Variants in TK2 observed in about 807,000 individuals in gnomAD.
TK2 encodes the protein thymidine kinase 2.
TK2 carries 35 observed loss-of-function variants against 41.9 expected under a neutral mutation model. That is an observed-to-expected ratio of 0.84 (90% confidence interval 0.64 to 1.11). The LOEUF is 1.11. TK2 is among the 50% of genes least tolerant of loss of function. The probability of loss-of-function intolerance (pLI) is 0.00; values close to 1 mark genes in which losing one functional copy is unlikely to be tolerated. For missense variants in TK2, 320 were observed against 351.1 expected, an observed-to-expected ratio of 0.91 and a Z score of 0.71; for synonymous variants, 128 against 129.1, an observed-to-expected ratio of 0.99 and a Z score of 0.06.
rs892325731 is a variant in TK2, at chr16:66,517,533, C to T, written c.538+256G>A. ...TGCAAACTAGAAAAACCCATCAGATCACAGTGGATTTGGGTCTGAAAGTAG... is the reference window on the plus strand; with the variant it reads ...TGCAAACTAGAAAAACCCATCAGATTACAGTGGATTTGGGTCTGAAAGTAG... On this transcript the variant is annotated intron_variant, in intron 7 of 9. Coordinates refer to ENST00000544898, the MANE Select transcript of TK2 (RefSeq NM_004614.5). This position sits in a 1 kb window ranked among gnomAD's most constrained non-coding sequence, Gnocchi z 4.3. Among the ~76,000 whole-genome samples the T allele has an allele frequency of 6.6e-6, 1 of 152,218 alleles. No individual in the cohort carries two copies. Among genetic ancestry groups the T allele is most frequent in the African/African-American group, 2.4e-5 (1 of 41,462 alleles).
chr16:66,528,649 G>A (rs935572267), intron 6 of TK2, among the ~76,000 whole-genome samples: 3 of 152,214 alleles, frequency 2.0e-5, no homozygotes, highest in Non-Finnish European at 2.9e-5. Context: ...CACCTGGGCT[G>A]GTTTGCTGGT....
chr16:66,511,810 G>A lies in TK2; in HGVS notation c.*158C>T, dbSNP rs192604464. 3.6e-5 allele frequency: 25 copies of A among 702,356 alleles called. No homozygotes were observed. The East Asian group carries it at 4.8e-4, about 14-fold the overall frequency. The allele number at this position is 702,356 out of a possible 1,614,324, so 43.5% of individuals were successfully genotyped here. On this transcript the variant is annotated 3_prime_UTR_variant, in exon 10 of 10. Transcript: ENST00000544898. ...TCATTTACCCACGAGGGCCAGAGAC[G>A]CATGACAAAGACACTAGCAAAGGAG...
In TK2 at chr16:66,517,790, T is replaced by A. The variant is rs1384538104; in HGVS notation, c.537A>T (p.Ile179=). The A allele has an allele frequency of 6.2e-7, 1 of 1,613,812 alleles. No homozygotes were observed. Among genetic ancestry groups the A allele is most frequent in the East Asian group, 2.2e-5 (1 of 44,816 alleles). Residue 179 remains isoleucine (I), a splice_region_variant and synonymous_variant, in exon 7 of 10, where the codon ATA becomes ATT. Coordinates refer to ENST00000544898, the MANE Select transcript of TK2 (RefSeq NM_004614.5). This position sits in a 1 kb window ranked among gnomAD's most constrained non-coding sequence, Gnocchi z 4.3. ...GGAGGTGGGAGGGGTGCATCTCACC[T>A]ATCAAATCAACAGACACGTCCATGT... ...LRNMDVSVDL[I]VYLRTNPETC... is the part of the protein sequence containing the mutation.
Position 66,512,683 on chromosome 16 carries a change from T to A in TK2, c.700-617A>T, listed in dbSNP as rs141251284. 2.0e-5 allele frequency among the ~76,000 whole-genome samples: 3 copies of A among 152,282 alleles called. No homozygotes were observed. The East Asian group carries it at 5.8e-4, about 29-fold the overall frequency. Reference sequence around the variant, plus strand: ...CTGTAGTCCCAGCTATTCAGGAGGCTGAGGCAAGAGAATCATTTGAACCCA... The same window carrying A: ...CTGTAGTCCCAGCTATTCAGGAGGCAGAGGCAAGAGAATCATTTGAACCCA... On this transcript the variant is annotated intron_variant, in intron 9 of 9. Transcript: ENST00000544898.
At chr16:66,543,932 G>C (rs1490022316) in intron 2 of TK2, among the ~76,000 whole-genome samples, 1 of 151,942 alleles carries the variant, frequency 6.6e-6, no homozygotes, top group Non-Finnish European at 1.5e-5. Context: ...TGAACAAAAG[G>C]GCATGAAAAG....
chr16:66,526,621 CAT>C (rs1255655860), intron 6 of TK2, among the ~76,000 whole-genome samples: 2 of 152,096 alleles, frequency 1.3e-5, no homozygotes, highest in East Asian at 3.9e-4. Flanking sequence ...GAAGTGGTGA[CAT>C]GTGCTGTAGG....
At chr16:66,525,088 A>C (rs1427567793) in intron 6 of TK2, 2 of 152,266 alleles carry the variant, frequency 1.3e-5, no homozygotes, top group Non-Finnish European at 2.9e-5. Context: ...CCAGACAGTA[A>C]ATGCAGCTCC....
intron 2 of TK2, 165 bp downstream of exon 2, chr16:66,548,813 A>T: frequency 1.5e-6 from 1 of 675,058 alleles, no homozygotes; most frequent in Non-Finnish European, 2.7e-6. Context: ...AATTGGTAAC[A>T]GAGGTGGCCT....
At chr16:66,549,917 C>T in intron 1 of TK2, 21 bp downstream of exon 1, 2 of 1,348,546 alleles carry the variant, frequency 1.5e-6, no homozygotes, top group Admixed American at 3.7e-5. Flanking sequence ...TCCTGGGAGG[C>T]GGGACCAAGA....
rs187792141 is a variant in TK2, at chr16:66,532,667, C to T, written c.286-1198G>A. ...TAAAATACCTAGGAATCTATTTAAC[C>T]AAAGAAGTGAAAGATCTATACAAGG... On this transcript the variant is annotated intron_variant, in intron 4 of 9. Transcript: ENST00000544898. Among the ~76,000 whole-genome samples the T allele has an allele frequency of 7.9e-4, 120 of 151,258 alleles. 1 individual carries two copies. Among genetic ancestry groups the T allele is most frequent in the African/African-American group, 2.9e-3 (118 of 41,192 alleles).
intron 1 of TK2, 150 bp downstream of exon 1, chr16:66,549,788 G>A (rs1355821576): frequency 2.3e-5 from 29 of 1,284,664 alleles, no homozygotes; most frequent in East Asian, 6.4e-5. Context: ...GGTAACGGCC[G>A]ATGGCCGCCC....
intron 6 of TK2, among the ~76,000 whole-genome samples, chr16:66,525,364 T>C (rs1312031604): frequency 2.6e-5 from 4 of 152,350 alleles, no homozygotes; most frequent in Middle Eastern, 3.4e-3. Flanking sequence ...AAATTATTAT[T>C]TTTAGATACA....
rs1260130684 is a variant in TK2, at chr16:66,517,172, C to A, written c.582G>T (p.Lys194Asn). 6.2e-6 allele frequency: 10 copies of A among 1,614,118 alleles called. No individual in the cohort carries two copies. The highest frequency in any genetic ancestry group is 2.7e-5 in the African/African-American group (2 of 74,940). ...TNPETCYQRL[K>N]KRCREEEKVI... ...CCTTCTCCTCTTCCCTGCATCTCTT[C>A]TTTAACCTCTGGTAACAAGTCTCAG... is the stretch of plus-strand genomic sequence containing the variant. The change falls in exon 8 of 10, where the codon AAG (lysine) becomes AAT (asparagine). Residue 194 changes from lysine (K) to asparagine (N), a missense_variant. Transcript: ENST00000544898. The surrounding 1 kb of genome is among the most constrained non-coding windows in gnomAD (Gnocchi z 4.3).
intron 1 of TK2, 63 bp downstream of exon 1, chr16:66,549,875 G>C: frequency 7.7e-7 from 1 of 1,290,594 alleles, no homozygotes; most frequent in Non-Finnish European, 9.7e-7. Flanking sequence ...TCCGGAAGCC[G>C]AGGGGCCGGG....
intron 6 of TK2, among the ~76,000 whole-genome samples, chr16:66,527,592 G>C (rs1211375605): frequency 6.6e-6 from 1 of 151,878 alleles, no homozygotes; most frequent in South Asian, 2.1e-4. Flanking sequence ...CTTATGGTCC[G>C]GGGGGGTGGG....
upstream of TK2, chr16:66,550,263 AC>A: frequency 6.3e-7 from 1 of 1,595,810 alleles, no homozygotes; most frequent in Non-Finnish European, 8.5e-7. Flanking sequence ...CACTGCTAGG[AC>A]GCTGGCAGAA....
intron 5 of TK2, among the ~76,000 whole-genome samples, chr16:66,529,394 C>T (rs1385374785): frequency 6.6e-6 from 1 of 152,240 alleles, no homozygotes; most frequent in Non-Finnish European, 1.5e-5. Context: ...CACGGTCAAG[C>T]CCTGGAGAAA....
intron 6 of TK2, among the ~76,000 whole-genome samples, chr16:66,518,960 A>AT (rs571840327): frequency 8.0e-4 from 117 of 146,280 alleles, no homozygotes; most frequent in East Asian, 3.0e-3. Flanking sequence ...GTTTTTATTT[A>AT]TTTTTTTTTT....
At position 66,517,123 on chromosome 16, in the gene TK2, A is replaced by C. The variant is rs1285208167; in HGVS notation, c.618+13T>G. The C allele has an allele frequency of 6.2e-7, 1 of 1,613,576 alleles. No individual in the cohort carries two copies. Among genetic ancestry groups the C allele is most frequent in the Non-Finnish European group, 8.5e-7 (1 of 1,179,516 alleles). On this transcript the variant is annotated intron_variant, in intron 8 of 9. Coordinates refer to ENST00000544898, the MANE Select transcript of TK2 (RefSeq NM_004614.5). This position sits in a 1 kb window ranked among gnomAD's most constrained non-coding sequence, Gnocchi z 4.3. ...CCCAGTTTGTCTTTAACCAAGTCAA[A>C]GAGGCCTCTTACCAGCGGAATGACC...
Sources: allele counts gnomAD v4.1 joint callset (sites outside exome capture counted in the v4.1 genomes callset), GRCh38; gene constraint gnomAD v4.1.1; non-coding constraint Gnocchi (gnomAD v3.1); transcripts MANE v1.5; gene names NCBI Gene and HGNC (gene_info 2026-07-23, HGNC 2026-07-21).